Variants in ENTREP2 observed in about 807,000 individuals in gnomAD.
ENTREP2 encodes endosomal transmembrane epsin interactor 2, also known as protein ENTREP2.
the ENTREP2 span, among the ~76,000 whole-genome samples, chr15:29,152,536 TC>T: frequency 6.6e-6 from 1 of 152,252 alleles, no homozygotes; most frequent in Admixed American, 6.5e-5. Context: ...ATGTAACCTT[TC>T]AGAATTGGCT....
the ENTREP2 span, among the ~76,000 whole-genome samples, chr15:29,174,504 C>T: frequency 1.3e-4 from 20 of 152,120 alleles, no homozygotes; most frequent in East Asian, 1.5e-3. Flanking sequence ...CTGGCTAACA[C>T]GGTGAAACCT....
the ENTREP2 span, among the ~76,000 whole-genome samples, chr15:29,581,379 A>G: frequency 1.3e-5 from 2 of 152,218 alleles, no homozygotes; most frequent in African/African-American, 4.8e-5. Context: ...TAACCACAAA[A>G]TAGATCAACT....
the ENTREP2 span, among the ~76,000 whole-genome samples, chr15:29,674,133 G>GC: frequency 2.0e-5 from 3 of 148,772 alleles, no homozygotes; most frequent in Non-Finnish European, 3.0e-5. Flanking sequence ...GAGGATGGGG[G>GC]GGGGGGGGGG....
the ENTREP2 span, among the ~76,000 whole-genome samples, chr15:29,541,985 T>A: frequency 6.6e-6 from 1 of 152,210 alleles, no homozygotes; most frequent in Non-Finnish European, 1.5e-5. Flanking sequence ...TTACTCTATT[T>A]TTTGGCTTGA....
chr15:29,482,791 G>A, the ENTREP2 span, among the ~76,000 whole-genome samples: 2 of 152,178 alleles, frequency 1.3e-5, no homozygotes, highest in East Asian at 3.9e-4. Context: ...GAATAATGAT[G>A]CTATAAATAT....
the ENTREP2 span, among the ~76,000 whole-genome samples, chr15:29,286,840 T>TA: frequency 6.6e-6 from 1 of 152,196 alleles, no homozygotes; most frequent in Non-Finnish European, 1.5e-5. Context: ...GTCTTGCCCT[T>TA]AGCATGAGAT....
At chr15:29,268,833 G>C in the ENTREP2 span, 2 of 1,614,020 alleles carry the variant, frequency 1.2e-6, no homozygotes, top group Non-Finnish European at 1.7e-6. Context: ...GTCTGGCCCT[G>C]TTCTCCTCAT....
chr15:29,336,817 T>C, the ENTREP2 span, among the ~76,000 whole-genome samples: 3 of 152,124 alleles, frequency 2.0e-5, no homozygotes, highest in Non-Finnish European at 4.4e-5. Flanking sequence ...CAAAGTCAGA[T>C]CTACCAGATG....
At chr15:29,356,146 GAGA>G in the ENTREP2 span, among the ~76,000 whole-genome samples, 3 of 150,532 alleles carry the variant, frequency 2.0e-5, no homozygotes, top group East Asian at 5.9e-4. Context: ...ATGTGAGGAT[GAGA>G]AGATTTTTAT....
the ENTREP2 span, among the ~76,000 whole-genome samples, chr15:29,400,156 A>G: frequency 3.3e-5 from 5 of 152,262 alleles, no homozygotes; most frequent in Admixed American, 6.5e-5. Context: ...ATTAAAGCAC[A>G]AAGAGATTAA....
At chr15:29,630,396 G>GT in the ENTREP2 span, among the ~76,000 whole-genome samples, 8 of 152,010 alleles carry the variant, frequency 5.3e-5, no homozygotes, top group Non-Finnish European at 1.0e-4. Flanking sequence ...TTTCAATTGT[G>GT]TTTTTTGGGG....
the ENTREP2 span, among the ~76,000 whole-genome samples, chr15:29,660,254 G>C: frequency 6.6e-6 from 1 of 152,220 alleles, no homozygotes; most frequent in Non-Finnish European, 1.5e-5. Context: ...TATTGCCAAT[G>C]TGATAGTATT....
chr15:29,123,088 C>T, the ENTREP2 span: 8 of 480,600 alleles, frequency 1.7e-5, no homozygotes, highest in East Asian at 6.3e-5. Flanking sequence ...TCACTGTGGA[C>T]GTGAAAGTCA....
At chr15:29,544,904 G>A in the ENTREP2 span, among the ~76,000 whole-genome samples, 1 of 152,136 alleles carries the variant, frequency 6.6e-6, no homozygotes, top group South Asian at 2.1e-4. Context: ...GGCATAAAGG[G>A]TTCCTAGTGA....
the ENTREP2 span, among the ~76,000 whole-genome samples, chr15:29,352,518 C>T: frequency 3.9e-5 from 6 of 152,242 alleles, no homozygotes; most frequent in East Asian, 1.9e-4. Flanking sequence ...TGAAGCCCTT[C>T]GGTCTCATTC....
At chr15:29,439,053 C>T in the ENTREP2 span, among the ~76,000 whole-genome samples, 1 of 152,078 alleles carries the variant, frequency 6.6e-6, no homozygotes. Flanking sequence ...ACATATATTT[C>T]CTAGTTCTGT....
chr15:29,146,049 T>G, the ENTREP2 span, among the ~76,000 whole-genome samples: 9 of 152,180 alleles, frequency 5.9e-5, no homozygotes, highest in South Asian at 8.3e-4. Context: ...AAGATAGTAA[T>G]TCCATTTATG....
chr15:29,672,048 G>T, the ENTREP2 span, among the ~76,000 whole-genome samples: 1 of 152,140 alleles, frequency 6.6e-6, no homozygotes, highest in Non-Finnish European at 1.5e-5. Context: ...GTGCAGTGGC[G>T]CCATCTTGGC....
chr15:29,448,100 T>C, the ENTREP2 span, among the ~76,000 whole-genome samples: 1 of 152,098 alleles, frequency 6.6e-6, no homozygotes, highest in Admixed American at 6.5e-5. Context: ...TTAAGCAATT[T>C]CCAATTATTT....
Sources: allele counts gnomAD v4.1 joint callset (sites outside exome capture counted in the v4.1 genomes callset), GRCh38; gene constraint gnomAD v4.1.1; transcripts MANE v1.5; gene names NCBI Gene and HGNC (gene_info 2026-07-23, HGNC 2026-07-21).